CCDC148: variants seen among roughly 807,000 people sequenced by gnomAD.
The protein encoded by CCDC148 is coiled-coil domain containing 148, also known as coiled-coil domain-containing protein 148.
In CCDC148, 89 loss-of-function variants were observed where a neutral mutation model predicts 85.7. The ratio of observed to expected loss-of-function variants is 1.04; its 90% CI spans 0.87 to 1.24. The LOEUF (loss-of-function observed/expected upper bound fraction) is 1.24. CCDC148 is among the 50% of genes most tolerant of loss of function. The probability of loss-of-function intolerance (pLI) is 0.00; values close to 1 mark genes in which losing one functional copy is unlikely to be tolerated. For missense variants in CCDC148, 692 were observed against 671.7 expected, an observed-to-expected ratio of 1.03 and a Z score of -0.33; for synonymous variants, 230 against 213.9, an observed-to-expected ratio of 1.08 and a Z score of -0.66.
chr2:158,343,962 C>T (rs1682866226), intron 3 of CCDC148, among the ~76,000 whole-genome samples: 1 of 151,992 alleles, frequency 6.6e-6, no homozygotes, highest in Non-Finnish European at 1.5e-5. Context: ...AATTATTTCC[C>T]ATAATGATAT....
At chr2:158,195,770 T>G (rs537727597) in intron 11 of CCDC148, among the ~76,000 whole-genome samples, 2 of 152,316 alleles carry the variant, frequency 1.3e-5, no homozygotes, top group South Asian at 4.1e-4. Context: ...TCCTTTAGTC[T>G]TCTACTCAAG....
At chr2:158,435,769 G>A (rs575740354) in intron 1 of CCDC148, among the ~76,000 whole-genome samples, 6 of 152,188 alleles carry the variant, frequency 3.9e-5, no homozygotes, top group African/African-American at 1.2e-4. Context: ...TCAAAATAAA[G>A]GGATGGAGGA....
chr2:158,202,044 A>T lies in CCDC148; in HGVS notation c.1370+18551T>A, dbSNP rs548800656. Among the ~76,000 whole-genome samples the T allele has an allele frequency of 2.6e-4, 39 of 152,288 alleles. 1 individual carries two copies. The highest frequency in any genetic ancestry group is 9.4e-4 in the African/African-American group (39 of 41,570). ...AGAAATGATGAAGCAAATCGGGCAA[A>T]ATATTAAAAATTAGTAAAACTGGGT... On this transcript the variant is annotated intron_variant, in intron 11 of 13. Transcript: ENST00000283233.
At chr2:158,231,401 T>C (rs1687850669) in intron 10 of CCDC148, among the ~76,000 whole-genome samples, 1 of 152,202 alleles carries the variant, frequency 6.6e-6, no homozygotes, top group Admixed American at 6.5e-5. Flanking sequence ...GCTTATAGTT[T>C]ATGACCCTCC....
Position 158,210,151 on chromosome 2 carries a change from G to A in CCDC148, c.1370+10444C>T, listed in dbSNP as rs1336611007. On this transcript the variant is annotated intron_variant, in intron 11 of 13. Coordinates refer to ENST00000283233, the MANE Select transcript of CCDC148 (RefSeq NM_138803.4). ...GCAAATGGAAAGCAAAAAAAGGCAGGGGTTGCGATCCTAGTCTCTGATAAA... is the reference window on the plus strand; with the variant it reads ...GCAAATGGAAAGCAAAAAAAGGCAGAGGTTGCGATCCTAGTCTCTGATAAA... 2.6e-5 allele frequency among the ~76,000 whole-genome samples: 4 copies of A among 152,044 alleles called. No homozygotes were observed. In the South Asian group the frequency reaches 6.2e-4, roughly 24 times the overall value.
intron 10 of CCDC148, among the ~76,000 whole-genome samples, chr2:158,226,734 G>A (rs972769396): frequency 5.3e-5 from 8 of 152,024 alleles, no homozygotes; most frequent in Non-Finnish European, 7.4e-5. Context: ...ATGCAGAAAA[G>A]GCCTTTGACA....
intron 1 of CCDC148, among the ~76,000 whole-genome samples, chr2:158,431,805 G>T (rs1687365918): frequency 6.6e-6 from 1 of 152,152 alleles, no homozygotes; most frequent in African/African-American, 2.4e-5. Context: ...GGGTGTGATG[G>T]TGTGTGCCTG....
In CCDC148 at chr2:158,395,875, A is replaced by C. The variant is rs145976315; in HGVS notation, c.26-37305T>G. Among the ~76,000 whole-genome samples, 457 of 152,270 alleles carry C rather than the reference A, an allele frequency of 3.0e-3. 1 individual carries two copies. The highest frequency in any genetic ancestry group is 9.8e-3 in the African/African-American group (409 of 41,574). ...GGAATTAAATAAAATAGCTATACAAAGTGCTTGGCACATAGTAGGGGCTTA... is the reference window on the plus strand; with the variant it reads ...GGAATTAAATAAAATAGCTATACAACGTGCTTGGCACATAGTAGGGGCTTA... On this transcript the variant is annotated intron_variant, in intron 1 of 13. Transcript: ENST00000283233.
intron 9 of CCDC148, among the ~76,000 whole-genome samples, chr2:158,257,217 T>C (rs1047515388): frequency 6.6e-6 from 1 of 151,710 alleles, no homozygotes; most frequent in Non-Finnish European, 1.5e-5. Context: ...ATGGGGAAAA[T>C]AATCAGAAAA....
rs1181372112 is a variant in CCDC148 at position 158,284,091 on chromosome 2, A to C, written c.1110+25342T>G. Among the ~76,000 whole-genome samples the C allele has an allele frequency of 1.3e-4, 17 of 135,908 alleles. No individual in the cohort carries two copies. The Admixed American group carries it at 1.4e-3, about 11-fold the overall frequency. 89.2% of individuals were successfully genotyped at this position (135,908 alleles called of 152,430 possible). A position where few individuals can be genotyped will look rare whatever the true frequency, so the allele number is the denominator to read the frequency against. On this transcript the variant is annotated intron_variant, in intron 9 of 13. Coordinates refer to ENST00000283233, the MANE Select transcript of CCDC148 (RefSeq NM_138803.4). The stretch of plus-strand genomic sequence containing the variant: ...AATTGAACAATGAGAACACATGGAC[A>C]CAGGAAGGGGAACATCACACTCTGG...
chr2:158,291,299 A>G (rs911735439), intron 9 of CCDC148, among the ~76,000 whole-genome samples: 2 of 152,044 alleles, frequency 1.3e-5, no homozygotes, highest in African/African-American at 4.8e-5. Flanking sequence ...AAGGCTTCCA[A>G]TGGCTCCTCA....
chr2:158,371,274 G>T (rs1414696088), intron 1 of CCDC148, among the ~76,000 whole-genome samples: 1 of 151,962 alleles, frequency 6.6e-6, no homozygotes, highest in East Asian at 1.9e-4. Context: ...AAATACACTT[G>T]TTGCACTGTA....
At chr2:158,390,744 C>A (rs1175470656) in intron 1 of CCDC148, among the ~76,000 whole-genome samples, 1 of 152,250 alleles carries the variant, frequency 6.6e-6, no homozygotes, top group Non-Finnish European at 1.5e-5. Flanking sequence ...TCTAGCCTTT[C>A]CTTGGTGTCT....
intron 1 of CCDC148, among the ~76,000 whole-genome samples, chr2:158,444,443 T>C (rs1423338929): frequency 3.3e-5 from 5 of 152,060 alleles, no homozygotes; most frequent in African/African-American, 9.7e-5. Flanking sequence ...ACTAATGAGA[T>C]TATGACATAC....
chr2:158,339,180 G>T, intron 5 of CCDC148, 95 bp from the exon 6 acceptor site: 1 of 973,710 alleles, frequency 1.0e-6, no homozygotes, highest in Non-Finnish European at 1.6e-6. Context: ...AAGCCAATCA[G>T]TGATGAAGTT....
At chr2:158,449,015 A>ATG (rs1688280227) in intron 1 of CCDC148, among the ~76,000 whole-genome samples, 1 of 152,006 alleles carries the variant, frequency 6.6e-6, no homozygotes, top group Non-Finnish European at 1.5e-5. Flanking sequence ...TTTAGTAGAG[A>ATG]CAGCATTTCA....
intron 10 of CCDC148, among the ~76,000 whole-genome samples, chr2:158,245,032 T>A (rs1688512588): frequency 6.6e-6 from 1 of 152,186 alleles, no homozygotes; most frequent in African/African-American, 2.4e-5. Flanking sequence ...CATGATTCAT[T>A]GCCCTGATAA....
At chr2:158,297,226 G>A (rs1026910219) in intron 9 of CCDC148, among the ~76,000 whole-genome samples, 4 of 152,096 alleles carry the variant, frequency 2.6e-5, no homozygotes, top group African/African-American at 9.7e-5. Flanking sequence ...TCTAATCAAC[G>A]AAGTATATTG....
intron 1 of CCDC148, among the ~76,000 whole-genome samples, chr2:158,365,855 A>T (rs1325240605): frequency 6.6e-6 from 1 of 152,206 alleles, no homozygotes; most frequent in Non-Finnish European, 1.5e-5. Context: ...GAGGATTAAC[A>T]CAAACCCATT....
Sources: allele counts gnomAD v4.1 joint callset (sites outside exome capture counted in the v4.1 genomes callset), GRCh38; gene constraint gnomAD v4.1.1; transcripts MANE v1.5; gene names NCBI Gene and HGNC (gene_info 2026-07-23, HGNC 2026-07-21).